Variants in SNX29 observed in about 807,000 individuals in gnomAD.
The protein encoded by SNX29 is sorting nexin-29.
Under a neutral mutation model 102.1 loss-of-function variants are expected in SNX29, and 78 were observed. The ratio of observed to expected loss-of-function variants is 0.76; its 90% CI spans 0.64 to 0.92. The LOEUF is 0.92. Ranked by LOEUF, SNX29 falls within the 40% of genes least tolerant of loss-of-function variation. The probability of loss-of-function intolerance (pLI) is 0.00; values close to 1 mark genes in which losing one functional copy is unlikely to be tolerated. For synonymous variants in SNX29, 580 were observed against 414.5 expected (o/e 1.40, Z -4.85); for missense variants, 1,280 against 1,061.7 (o/e 1.21, Z -2.86).
chr16:12,246,803 G>A (rs2078272758), intron 14 of SNX29, among the ~76,000 whole-genome samples: 1 of 152,172 alleles, frequency 6.6e-6, no homozygotes, highest in Non-Finnish European at 1.5e-5. Context: ...CAGCTGCATA[G>A]GGTCTGCTTA....
intron 9 of SNX29, among the ~76,000 whole-genome samples, chr16:12,063,609 C>G (rs1420849916): frequency 6.6e-6 from 1 of 151,998 alleles, no homozygotes; most frequent in African/African-American, 2.4e-5. Flanking sequence ...AAACTCCTGA[C>G]CTCACGTGAT....
At chr16:12,491,373 G>A (rs951482455) in intron 19 of SNX29, among the ~76,000 whole-genome samples, 1 of 152,130 alleles carries the variant, frequency 6.6e-6, no homozygotes, top group Non-Finnish European at 1.5e-5. Context: ...CAGCACCAGT[G>A]GTTCACTCTC....
intron 13 of SNX29, among the ~76,000 whole-genome samples, chr16:12,174,441 C>T (rs771593755): frequency 3.9e-5 from 6 of 152,154 alleles, no homozygotes; most frequent in Non-Finnish European, 7.3e-5. Flanking sequence ...GACCTCTGCC[C>T]AAAGGAAAGG....
intron 19 of SNX29, among the ~76,000 whole-genome samples, chr16:12,505,532 G>A (rs1276619419): frequency 6.6e-6 from 1 of 152,066 alleles, no homozygotes; most frequent in Non-Finnish European, 1.5e-5. Context: ...TATATTCGAG[G>A]TTTGCAACAT....
chr16:12,186,363 C>G (rs2076509912), intron 13 of SNX29, among the ~76,000 whole-genome samples: 1 of 152,178 alleles, frequency 6.6e-6, no homozygotes, highest in African/African-American at 2.4e-5. Context: ...TTATCTGTAT[C>G]TATATCTCTG....
At chr16:12,547,662 C>T (rs965597019) in intron 20 of SNX29, among the ~76,000 whole-genome samples, 10 of 152,238 alleles carry the variant, frequency 6.6e-5, no homozygotes, top group African/African-American at 2.4e-4. Context: ...ACCCCAAGCA[C>T]CATCTCCTGT....
At chr16:12,360,614 A>T (rs1403382455) in intron 16 of SNX29, among the ~76,000 whole-genome samples, 4 of 152,116 alleles carry the variant, frequency 2.6e-5, no homozygotes, top group African/African-American at 9.7e-5. Context: ...CATTTGTTTC[A>T]GTGGGGCCAG....
intron 13 of SNX29, among the ~76,000 whole-genome samples, chr16:12,172,064 C>T (rs2076161449): frequency 6.6e-6 from 1 of 152,120 alleles, no homozygotes; most frequent in Admixed American, 6.5e-5. Flanking sequence ...ACACCAAAAG[C>T]TTTGAGTCTT....
rs148497850 is a variant in SNX29, at chr16:12,450,259, T to C, written c.2038-27460T>C. 3.1e-3 allele frequency among the ~76,000 whole-genome samples: 466 copies of C among 152,264 alleles called. 1 individual carries two copies. The highest frequency in any genetic ancestry group is 9.5e-3 in the African/African-American group (393 of 41,534). On this transcript the variant is annotated intron_variant, in intron 18 of 20. Transcript: ENST00000566228. ...ACAGACTAATACAATTCCCATGATA[T>C]ATGGAGACACTCAGTTGTGTGTTGA...
chr16:12,455,446 G>A (rs1197370296), intron 18 of SNX29, among the ~76,000 whole-genome samples: 3 of 152,068 alleles, frequency 2.0e-5, no homozygotes, highest in Non-Finnish European at 2.9e-5. Context: ...TCTAGGTGGC[G>A]GTGGCCACCT....
intron 13 of SNX29, among the ~76,000 whole-genome samples, chr16:12,186,830 C>A (rs1463712460): frequency 2.0e-5 from 3 of 152,148 alleles, no homozygotes; most frequent in African/African-American, 7.2e-5. Context: ...GACAGGAACT[C>A]AAGGCTTTTA....
intron 13 of SNX29, among the ~76,000 whole-genome samples, chr16:12,186,367 ATC>A (rs2076510170): frequency 6.6e-6 from 1 of 152,218 alleles, no homozygotes; most frequent in Non-Finnish European, 1.5e-5. Flanking sequence ...CTGTATCTAT[ATC>A]TCTGTGTATC....
Position 12,568,851 on chromosome 16 carries a change from C to A in SNX29, c.*222C>A, listed in dbSNP as rs371877974. 8 of 656,610 alleles carry A rather than the reference C, an allele frequency of 1.2e-5. No individual in the cohort carries two copies. In the East Asian group the frequency reaches 2.1e-4, roughly 17 times the overall value. The allele number at this position is 656,610 out of a possible 1,614,324, so 40.7% of individuals were successfully genotyped here. ...CCAAGGCAGCACCTCGCTGGAGAGA[C>A]TGGGACACACAGTCCTTCTGCTTCT... On this transcript the variant is annotated 3_prime_UTR_variant, in exon 21 of 21. Coordinates refer to ENST00000566228, the MANE Select transcript of SNX29 (RefSeq NM_032167.5).
At chr16:12,553,968 C>G (rs953563397) in intron 20 of SNX29, among the ~76,000 whole-genome samples, 2 of 152,142 alleles carry the variant, frequency 1.3e-5, no homozygotes, top group African/African-American at 4.8e-5. Flanking sequence ...GCTGGGACTA[C>G]AGGCATCCAC....
intron 10 of SNX29, among the ~76,000 whole-genome samples, chr16:12,073,791 G>T (rs1184438504): frequency 6.6e-6 from 1 of 152,036 alleles, no homozygotes; most frequent in Non-Finnish European, 1.5e-5. Flanking sequence ...CATTATTATT[G>T]TGTGGGAGTC....
chr16:12,194,701 A>G (rs988274732), intron 13 of SNX29, among the ~76,000 whole-genome samples: 2 of 149,182 alleles, frequency 1.3e-5, no homozygotes, highest in African/African-American at 5.0e-5. Context: ...ATCTTGGCTC[A>G]GTGCAACCTC....
chr16:12,440,447 A>G (rs1032134533), intron 18 of SNX29, among the ~76,000 whole-genome samples: 1 of 152,032 alleles, frequency 6.6e-6, no homozygotes, highest in Non-Finnish European at 1.5e-5. Context: ...TTTCTTTTTT[A>G]AGTTTTATTT....
intron 15 of SNX29, among the ~76,000 whole-genome samples, chr16:12,344,255 C>A (rs2081705524): frequency 6.6e-6 from 1 of 152,130 alleles, no homozygotes; most frequent in Non-Finnish European, 1.5e-5. Flanking sequence ...AATACAACCT[C>A]ACAAAGGGAG....
intron 11 of SNX29, among the ~76,000 whole-genome samples, chr16:12,097,766 C>T (rs1157508233): frequency 1.3e-5 from 2 of 152,186 alleles, no homozygotes; most frequent in Non-Finnish European, 2.9e-5. Flanking sequence ...AATTCAGAGC[C>T]AATCCAAAAT....
Sources: allele counts gnomAD v4.1 joint callset (sites outside exome capture counted in the v4.1 genomes callset), GRCh38; gene constraint gnomAD v4.1.1; transcripts MANE v1.5; gene names NCBI Gene and HGNC (gene_info 2026-07-23, HGNC 2026-07-21).